COL28A1: variants seen among roughly 807,000 people sequenced by gnomAD.
The protein encoded by COL28A1 is collagen type XXVIII alpha 1 chain.
A neutral mutation model predicts 150.2 loss-of-function variants in COL28A1; 161 were observed. That is an observed-to-expected ratio of 1.07 (90% CI 0.94 to 1.22). The LOEUF is 1.22. Ranked by LOEUF, COL28A1 falls within the 50% of genes most tolerant of loss-of-function variation. The probability of loss-of-function intolerance (pLI) is 0.00; values close to 1 mark genes in which losing one functional copy is unlikely to be tolerated. For missense variants in COL28A1, 1,617 were observed against 1,388.3 expected, an observed-to-expected ratio of 1.16 and a Z score of -2.62; for synonymous variants, 552 against 469.7, an observed-to-expected ratio of 1.18 and a Z score of -2.26.
chr7:7,385,414 T>C (rs973238814), intron 27 of COL28A1, among the ~76,000 whole-genome samples: 1 of 152,124 alleles, frequency 6.6e-6, no homozygotes, highest in Non-Finnish European at 1.5e-5. Flanking sequence ...GACAGAACAG[T>C]GTGATAAACA....
At chr7:7,422,188 A>C (rs1332547827) in intron 25 of COL28A1, among the ~76,000 whole-genome samples, 1 of 152,218 alleles carries the variant, frequency 6.6e-6, no homozygotes, top group Non-Finnish European at 1.5e-5. Context: ...AAGCATAGTT[A>C]AGTAAATCTT....
At chr7:7,417,679 G>C in intron 27 of COL28A1, 180 bp downstream of exon 27, 1 of 641,882 alleles carries the variant, frequency 1.6e-6, no homozygotes, top group South Asian at 1.8e-5. Flanking sequence ...ATTTGCTGAA[G>C]TATTGTACTC....
chr7:7,342,871 A>G, the COL28A1 span, among the ~76,000 whole-genome samples: 1 of 151,976 alleles, frequency 6.6e-6, no homozygotes, highest in Non-Finnish European at 1.5e-5. Context: ...TCCACTGGGA[A>G]TCATTTTCCT....
intron 25 of COL28A1, among the ~76,000 whole-genome samples, chr7:7,427,451 G>A (rs1784707512): frequency 6.6e-6 from 1 of 152,156 alleles, no homozygotes; most frequent in Admixed American, 6.5e-5. Context: ...GTTGGGCACT[G>A]TTCAAAAATG....
chr7:7,402,086 C>A lies in COL28A1; in HGVS notation c.2136+15773G>T, dbSNP rs552999218. ...AAAGCGTGTAGTGACGGGATTCTCC[C>A]AATGGGTGAGGAGTTGCCCTAAGTC... On this transcript the variant is annotated intron_variant, in intron 27 of 34. Coordinates refer to ENST00000399429, the MANE Select transcript of COL28A1 (RefSeq NM_001037763.3). Among the ~76,000 whole-genome samples, 8 of 152,314 alleles carry A rather than the reference C, an allele frequency of 5.3e-5. No homozygotes were observed. In the East Asian group the frequency reaches 1.5e-3, roughly 29 times the overall value.
chr7:7,455,975 C>T, intron 16 of COL28A1, 69 bp downstream of exon 16: 1 of 1,597,136 alleles, frequency 6.3e-7, no homozygotes, highest in Non-Finnish European at 8.6e-7. Flanking sequence ...GCAGGACTGG[C>T]CTTCAATGAA....
chr7:7,523,947 C>T (rs1781883959), intron 4 of COL28A1, among the ~76,000 whole-genome samples: 1 of 152,172 alleles, frequency 6.6e-6, no homozygotes, highest in South Asian at 2.1e-4. Flanking sequence ...AAAGGAAGCA[C>T]ATCAAAGTAA....
Position 7,517,831 on chromosome 7 carries a change from C to A in COL28A1, c.820G>T (p.Ala274Ser). ...CTTTCTCCAGCTTCTCCTTTTTGAG[C>A]GTTGCCCTGTGACAAACAAAAAACA... ...ERGPKGNPGNAQKGEAGERGP... is the reference protein window; with the variant it reads ...ERGPKGNPGNSQKGEAGERGP... Residue 274 changes from alanine (A) to serine (S), a missense_variant, in exon 7 of 35, where the codon GCT becomes TCT. Coordinates refer to ENST00000399429, the MANE Select transcript of COL28A1 (RefSeq NM_001037763.3). 6.2e-7 allele frequency: 1 copy of A among 1,613,654 alleles called. No homozygotes were observed. The highest frequency in any genetic ancestry group is 8.5e-7 in the Non-Finnish European group (1 of 1,179,668).
At position 7,434,626 on chromosome 7, in the gene COL28A1, C is replaced by T. The variant is rs187403762; in HGVS notation, c.1860+1769G>A. 2.6e-5 allele frequency among the ~76,000 whole-genome samples: 4 copies of T among 152,348 alleles called. No homozygotes were observed. The East Asian group carries it at 7.7e-4, about 29-fold the overall frequency. ...ACAGCGGAGGGGAAAACCATGCAAA[C>T]ACTCACAGTTTACAAACATCCTTTT... On this transcript the variant is annotated intron_variant, in intron 23 of 34. Transcript: ENST00000399429.
upstream of COL28A1, among the ~76,000 whole-genome samples, chr7:7,537,228 T>C (rs375305561): frequency 5.9e-5 from 9 of 152,196 alleles, no homozygotes; most frequent in Non-Finnish European, 8.8e-5. Context: ...CAGGATGCAG[T>C]ACTGTCAAAG....
At chr7:7,509,080 C>A (rs1247995346) in intron 9 of COL28A1, among the ~76,000 whole-genome samples, 1 of 152,100 alleles carries the variant, frequency 6.6e-6, no homozygotes, top group East Asian at 1.9e-4. Context: ...ATGACCTGCC[C>A]ACCTTGGCCT....
chr7:7,389,772 G>A (rs1418033496), intron 27 of COL28A1, among the ~76,000 whole-genome samples: 1 of 152,130 alleles, frequency 6.6e-6, no homozygotes, highest in Non-Finnish European at 1.5e-5. Flanking sequence ...GTGAATGGGA[G>A]TTCACTCATG....
At chr7:7,508,210 C>T (rs956699688) in intron 9 of COL28A1, among the ~76,000 whole-genome samples, 2 of 148,420 alleles carry the variant, frequency 1.3e-5, no homozygotes, top group Non-Finnish European at 3.0e-5. Flanking sequence ...CCAGCCTGGG[C>T]AACAGAGCGA....
chr7:7,485,342 T>C (rs188116946), intron 13 of COL28A1, among the ~76,000 whole-genome samples: 2 of 152,146 alleles, frequency 1.3e-5, no homozygotes, highest in South Asian at 4.1e-4. Context: ...GAATTTTTTT[T>C]AAAAATGTAT....
intron 16 of COL28A1, among the ~76,000 whole-genome samples, chr7:7,454,708 C>A (rs1467014090): frequency 1.3e-5 from 2 of 152,158 alleles, no homozygotes; most frequent in Non-Finnish European, 2.9e-5. Context: ...GGTCACTCAG[C>A]ACCAGGAGCA....
At chr7:7,449,474 C>A (rs1231829725) in intron 18 of COL28A1, among the ~76,000 whole-genome samples, 1 of 151,700 alleles carries the variant, frequency 6.6e-6, no homozygotes, top group East Asian at 1.9e-4. Context: ...ATTTTAGAAG[C>A]ACTTCTTTTG....
At chr7:7,463,425 G>A (rs1186537601) in intron 15 of COL28A1, among the ~76,000 whole-genome samples, 1 of 152,046 alleles carries the variant, frequency 6.6e-6, no homozygotes, top group African/African-American at 2.4e-5. Context: ...AATCTTTCCT[G>A]TATAGGTAAC....
At chr7:7,346,126 A>G in the COL28A1 span, among the ~76,000 whole-genome samples, 3 of 152,038 alleles carry the variant, frequency 2.0e-5, no homozygotes, top group African/African-American at 7.2e-5. Context: ...ATTTGGTGGC[A>G]AAATCAGCTC....
chr7:7,360,483 G>A lies in COL28A1; in HGVS notation c.3112C>T (p.Pro1038Ser), dbSNP rs1247823473. The change falls in exon 34 of 35, where the codon CCA becomes TCA. Residue 1038 changes from proline (P) to serine (S), a missense_variant. Coordinates refer to ENST00000399429, the MANE Select transcript of COL28A1 (RefSeq NM_001037763.3). ...DQDEDDKAPE[P>S]TWADDLPATT... is the part of the protein sequence containing the mutation. ...GCAGGCAGATCATCAGCCCACGTTG[G>A]CTCTGGAGCCTTATCATCTTCATCC... 5 of 1,608,798 alleles carry A rather than the reference G, an allele frequency of 3.1e-6. No individual in the cohort carries two copies. Among genetic ancestry groups the A allele is most frequent in the Non-Finnish European group, 4.2e-6 (5 of 1,178,438 alleles).
Sources: allele counts gnomAD v4.1 joint callset (sites outside exome capture counted in the v4.1 genomes callset), GRCh38; gene constraint gnomAD v4.1.1; transcripts MANE v1.5; gene names NCBI Gene and HGNC (gene_info 2026-07-23, HGNC 2026-07-21).